The following UNC79 variants were observed in gnomAD, a reference collection of about 807,000 sequenced individuals.
UNC79 encodes the protein protein unc-79 homolog.
In UNC79, 37 loss-of-function variants were observed where a neutral mutation model predicts 283.1. The ratio of observed to expected loss-of-function variants is 0.13; its 90% CI spans 0.10 to 0.17. The LOEUF is 0.17. UNC79 is among the 10% of genes least tolerant of loss of function. The pLI is 1.00. For missense variants in UNC79, 2,272 were observed against 3,211.1 expected, an observed-to-expected ratio of 0.71 and a Z score of 7.07; for synonymous variants, 1,107 against 1,200.2, an observed-to-expected ratio of 0.92 and a Z score of 1.61.
chr14:93,577,723 G>T, intron 17 of UNC79, 119 bp from the exon 18 acceptor site: 3 of 989,842 alleles, frequency 3.0e-6, no homozygotes, highest in South Asian at 1.6e-5. Context: ...AATGCCATTG[G>T]TTAAGGAAAG....
chr14:93,399,770 G>A (rs1216186426), intron 1 of UNC79, among the ~76,000 whole-genome samples: 1 of 152,168 alleles, frequency 6.6e-6, no homozygotes, highest in Non-Finnish European at 1.5e-5. Context: ...TGTGAGGGAA[G>A]TTCAGATGTT....
intron 1 of UNC79, among the ~76,000 whole-genome samples, chr14:93,367,313 A>G (rs1307064331): frequency 1.3e-5 from 2 of 152,240 alleles, no homozygotes; most frequent in African/African-American, 4.8e-5. Context: ...ATTAAGTCAA[A>G]CAATTTAATA....
intron 1 of UNC79, chr14:93,347,242 G>C: frequency 6.3e-7 from 1 of 1,583,742 alleles, no homozygotes; most frequent in Non-Finnish European, 8.6e-7. Context: ...TGCTGTCCAC[G>C]CCTGGCTTTG....
chr14:93,439,008 T>C (rs1402700875), intron 1 of UNC79, among the ~76,000 whole-genome samples: 1 of 152,086 alleles, frequency 6.6e-6, no homozygotes, highest in Non-Finnish European at 1.5e-5. Context: ...TCTTCTATTT[T>C]AAAATTTTGA....
At chr14:93,443,609 G>A (rs576012940) in intron 1 of UNC79, among the ~76,000 whole-genome samples, 1 of 152,064 alleles carries the variant, frequency 6.6e-6, no homozygotes, top group Admixed American at 6.5e-5. Flanking sequence ...ATTTTTAGTA[G>A]AGACAGGGTT....
At chr14:93,615,603 T>A (rs1251834980) in intron 27 of UNC79, among the ~76,000 whole-genome samples, 1 of 150,684 alleles carries the variant, frequency 6.6e-6, no homozygotes, top group African/African-American at 2.4e-5. Context: ...GTGCCTGTAG[T>A]CCCAGCTACA....
intron 1 of UNC79, among the ~76,000 whole-genome samples, chr14:93,442,661 A>G (rs1229746811): frequency 1.3e-5 from 2 of 152,324 alleles, no homozygotes; most frequent in South Asian, 4.1e-4. Context: ...ACATATTAAG[A>G]TACGTCATTT....
At chr14:93,464,703 G>A (rs1052316050) in intron 1 of UNC79, 1 of 414,914 alleles carries the variant, frequency 2.4e-6, no homozygotes, top group African/African-American at 2.1e-5. Context: ...GTAGCCTTAG[G>A]GTCAGTTGAG....
intron 35 of UNC79, among the ~76,000 whole-genome samples, chr14:93,649,497 T>A (rs1596232522): frequency 6.6e-6 from 1 of 152,186 alleles, no homozygotes; most frequent in South Asian, 2.1e-4. Flanking sequence ...GATATTAGAA[T>A]ATATTTTCCC....
intron 1 of UNC79, among the ~76,000 whole-genome samples, chr14:93,454,624 C>A (rs375165209): frequency 6.6e-6 from 1 of 152,066 alleles, no homozygotes; most frequent in East Asian, 1.9e-4. Flanking sequence ...AGCAATACAA[C>A]TATTATTTTT....
Position 93,690,086 on chromosome 14 carries a change from A to G in UNC79, c.7086-31A>G. 7.5e-6 allele frequency: 12 copies of G among 1,606,708 alleles called. No homozygotes were observed. Among genetic ancestry groups the G allele is most frequent in the South Asian group, 1.1e-5 (1 of 90,288 alleles). ...CACCCAATGAAACACAAAACATAAA[A>G]TCATCTTTAACACTCCTTCTTCTCT... On this transcript the variant is annotated intron_variant, in intron 44 of 48. Transcript: ENST00000555664. The surrounding 1 kb of genome is among the most constrained non-coding windows in gnomAD (Gnocchi z 4.3).
intron 1 of UNC79, among the ~76,000 whole-genome samples, chr14:93,377,394 G>A (rs565618365): frequency 6.6e-6 from 1 of 151,988 alleles, no homozygotes; most frequent in Admixed American, 6.6e-5. Context: ...GTGCCTGGCC[G>A]AGAATAGTTG....
chr14:93,665,202 A>G (rs1162029980), intron 40 of UNC79, among the ~76,000 whole-genome samples: 2 of 149,474 alleles, frequency 1.3e-5, no homozygotes, highest in African/African-American at 2.5e-5. Flanking sequence ...AAATAAAATA[A>G]TATAATAGAT....
Position 93,531,603 on chromosome 14 carries a change from C to T in UNC79, c.1094-947C>T, listed in dbSNP as rs1400942051. Among the ~76,000 whole-genome samples the T allele has an allele frequency of 6.6e-6, 1 of 152,160 alleles. No individual in the cohort carries two copies. Among genetic ancestry groups the T allele is most frequent in the African/African-American group, 2.4e-5 (1 of 41,442 alleles). On this transcript the variant is annotated intron_variant, in intron 10 of 48. Transcript: ENST00000555664. The surrounding 1 kb of genome is among the most constrained non-coding windows in gnomAD (Gnocchi z 4.2). ...TGAAAATTGCTTTCTCTTAAATAAC[C>T]CTACAGCTGGTTTTACACACACACG...
intron 1 of UNC79, among the ~76,000 whole-genome samples, chr14:93,455,194 CA>C (rs2056762132): frequency 6.6e-6 from 1 of 152,164 alleles, no homozygotes; most frequent in Admixed American, 6.5e-5. Flanking sequence ...TATCCTCTTC[CA>C]CAACCCTTCA....
At chr14:93,460,868 TA>T (rs1310013077) in intron 1 of UNC79, among the ~76,000 whole-genome samples, 4 of 152,152 alleles carry the variant, frequency 2.6e-5, no homozygotes, top group African/African-American at 9.6e-5. Context: ...CTACAAAAAA[TA>T]AAATTAGTAA....
intron 1 of UNC79, among the ~76,000 whole-genome samples, chr14:93,385,548 G>A (rs919029686): frequency 2.5e-4 from 38 of 152,212 alleles, no homozygotes; most frequent in Non-Finnish European, 4.4e-4. Context: ...GGAGGCCGAG[G>A]TGGGCGGATC....
chr14:93,511,597 G>A (rs1339257550), intron 7 of UNC79, among the ~76,000 whole-genome samples: 1 of 151,998 alleles, frequency 6.6e-6, no homozygotes, highest in South Asian at 2.1e-4. Flanking sequence ...ACAGGCATGT[G>A]CCACCACGCC....
chr14:93,505,749 T>C (rs1473933981), intron 7 of UNC79, among the ~76,000 whole-genome samples: 1 of 151,468 alleles, frequency 6.6e-6, no homozygotes, highest in Non-Finnish European at 1.5e-5. Context: ...TTGCCTCTTT[T>C]GCACTAAGTA....
Sources: gnomAD v4.1 joint callset for allele counts (sites outside exome capture counted in the v4.1 genomes callset) on GRCh38, gnomAD v4.1.1 for gene constraint, Gnocchi (gnomAD v3.1) non-coding constraint, MANE v1.5 for transcripts, NCBI Gene and HGNC (gene_info 2026-07-23, HGNC 2026-07-21) for gene names.